Variants in CERS6 observed in about 807,000 individuals in gnomAD.
CERS6 encodes ceramide synthase 6.
A neutral mutation model predicts 56.8 loss-of-function variants in CERS6; 26 were observed. That is an observed-to-expected ratio of 0.46 (90% CI 0.34 to 0.63). The LOEUF is 0.63. Ranked by LOEUF, CERS6 falls within the 30% of genes least tolerant of loss-of-function variation. The pLI is 0.01. For synonymous variants in CERS6, 164 were observed against 173.3 expected (o/e 0.95, Z 0.42); for missense variants, 415 against 467.5 (o/e 0.89, Z 1.04).
At chr2:168,545,122 AAC>A (rs954354162) in intron 1 of CERS6, among the ~76,000 whole-genome samples, 3 of 152,268 alleles carry the variant, frequency 2.0e-5, no homozygotes, top group South Asian at 2.1e-4. Context: ...TATTTGTAGA[AAC>A]ACACACATGT....
chr2:168,659,179 G>T (rs1195415192), intron 4 of CERS6, among the ~76,000 whole-genome samples: 1 of 152,144 alleles, frequency 6.6e-6, no homozygotes, highest in Non-Finnish European at 1.5e-5. Flanking sequence ...CGCTTGGTTT[G>T]TTATTACGAT....
intron 1 of CERS6, among the ~76,000 whole-genome samples, chr2:168,490,645 A>G (rs963044727): frequency 2.0e-5 from 3 of 152,096 alleles, no homozygotes; most frequent in African/African-American, 7.2e-5. Flanking sequence ...GTCACAACCC[A>G]TACTTCCCTT....
intron 1 of CERS6, among the ~76,000 whole-genome samples, chr2:168,470,244 G>T (rs968072505): frequency 2.0e-5 from 3 of 151,516 alleles, no homozygotes; most frequent in Non-Finnish European, 4.4e-5. Flanking sequence ...TTAGCTGGGC[G>T]TGGTGGTATG....
chr2:168,632,461 T>G (rs1242439142), intron 4 of CERS6, among the ~76,000 whole-genome samples: 2 of 152,238 alleles, frequency 1.3e-5, no homozygotes, highest in African/African-American at 4.8e-5. Flanking sequence ...GATTGTTTTT[T>G]ACTTGTAGTC....
At chr2:168,707,779 A>G (rs1686995302) in intron 6 of CERS6, among the ~76,000 whole-genome samples, 1 of 152,116 alleles carries the variant, frequency 6.6e-6, no homozygotes, top group African/African-American at 2.4e-5. Context: ...CCCCAAATAT[A>G]CTTTTATTAT....
chr2:168,763,716 A>G (rs770383928), intron 8 of CERS6, among the ~76,000 whole-genome samples: 12 of 152,184 alleles, frequency 7.9e-5, no homozygotes, highest in Non-Finnish European at 1.6e-4. Flanking sequence ...CCCTTTAGCC[A>G]GTAAGTGTTA....
At chr2:168,659,187 G>A (rs1008023787) in intron 4 of CERS6, among the ~76,000 whole-genome samples, 12 of 152,118 alleles carry the variant, frequency 7.9e-5, no homozygotes, top group African/African-American at 2.9e-4. Flanking sequence ...TTGTTATTAC[G>A]ATTTTGTCAA....
intron 6 of CERS6, among the ~76,000 whole-genome samples, chr2:168,698,197 A>C (rs1475998016): frequency 2.4e-5 from 3 of 126,770 alleles, no homozygotes; most frequent in Non-Finnish European, 3.4e-5. Context: ...GCACCGCCGC[A>C]CTCCAGCCGG....
intron 3 of CERS6, among the ~76,000 whole-genome samples, chr2:168,569,301 A>G (rs1173826879): frequency 6.6e-6 from 1 of 152,188 alleles, no homozygotes; most frequent in Non-Finnish European, 1.5e-5. Context: ...TAACAGCCTC[A>G]TCTCCCAAGG....
chr2:168,674,542 A>C (rs1686005413), intron 4 of CERS6, among the ~76,000 whole-genome samples: 1 of 152,220 alleles, frequency 6.6e-6, no homozygotes, highest in Non-Finnish European at 1.5e-5. Flanking sequence ...CACATTCTGA[A>C]TATTATTTAT....
intron 8 of CERS6, among the ~76,000 whole-genome samples, chr2:168,721,380 A>G (rs929302975): frequency 1.3e-5 from 2 of 151,914 alleles, no homozygotes; most frequent in Middle Eastern, 3.2e-3. Flanking sequence ...GATTGTTTCC[A>G]TTGTTTGGCT....
At chr2:168,689,771 T>C (rs1373753974) in intron 4 of CERS6, among the ~76,000 whole-genome samples, 1 of 152,140 alleles carries the variant, frequency 6.6e-6, no homozygotes. Flanking sequence ...TGAATAGTGC[T>C]TGAATGAAAG....
intron 8 of CERS6, among the ~76,000 whole-genome samples, chr2:168,727,829 T>G (rs995787295): frequency 6.6e-6 from 1 of 152,254 alleles, no homozygotes; most frequent in African/African-American, 2.4e-5. Flanking sequence ...CTATGTTAAA[T>G]ATATTAGAAA....
chr2:168,481,212 G>A (rs762357446), intron 1 of CERS6, among the ~76,000 whole-genome samples: 1 of 152,130 alleles, frequency 6.6e-6, no homozygotes, highest in African/African-American at 2.4e-5. Context: ...TCAGGAGATC[G>A]AGACCATCCT....
At chr2:168,601,609 G>C (rs1485516551) in intron 3 of CERS6, among the ~76,000 whole-genome samples, 3 of 151,762 alleles carry the variant, frequency 2.0e-5, no homozygotes, top group Admixed American at 6.6e-5. Context: ...GAGTGTAGTG[G>C]TATGATCTTG....
intron 1 of CERS6, among the ~76,000 whole-genome samples, chr2:168,536,361 T>G (rs758301344): frequency 2.6e-5 from 4 of 152,226 alleles, no homozygotes; most frequent in Non-Finnish European, 4.4e-5. Context: ...AGATCTAATG[T>G]ACATGAGGCC....
Position 168,657,651 on chromosome 2 carries a change from C to A in CERS6, c.465+26609C>A, listed in dbSNP as rs532867316. ...CCTGTGGACCGGCACTGCTGGGGGA[C>A]TCAGTACACCCTCCGCAGCCACTGG... On this transcript the variant is annotated intron_variant, in intron 4 of 9. Coordinates refer to ENST00000305747, the MANE Select transcript of CERS6 (RefSeq NM_203463.3). Among the ~76,000 whole-genome samples, 775 of 152,362 alleles carry A rather than the reference C, an allele frequency of 5.1e-3. 4 individuals are homozygous for A. The highest frequency in any genetic ancestry group is 0.017 in the African/African-American group (713 of 41,584).
chr2:168,570,626 GTAATATT>G (rs1695968660), intron 3 of CERS6, among the ~76,000 whole-genome samples: 1 of 152,012 alleles, frequency 6.6e-6, no homozygotes. Context: ...GCTCTTAAAT[GTAATATT>G]TATTGGTTAC....
At chr2:168,639,880 C>T (rs1366387897) in intron 4 of CERS6, among the ~76,000 whole-genome samples, 1 of 152,132 alleles carries the variant, frequency 6.6e-6, no homozygotes, top group Non-Finnish European at 1.5e-5. Context: ...TGCCTCCCTT[C>T]TCATTTATTA....
Sources: gnomAD v4.1 joint callset for allele counts (sites outside exome capture counted in the v4.1 genomes callset) on GRCh38, gnomAD v4.1.1 for gene constraint, MANE v1.5 for transcripts, NCBI Gene and HGNC (gene_info 2026-07-23, HGNC 2026-07-21) for gene names.